BCL2: variants seen among roughly 807,000 people sequenced by gnomAD.
BCL2 encodes apoptosis regulator Bcl-2.
In BCL2, 1 loss-of-function variant was observed where a neutral mutation model predicts 14.2. The ratio of observed to expected loss-of-function variants is 0.07; its 90% CI spans 0.02 to 0.33. The LOEUF is 0.33. Ranked by LOEUF, BCL2 falls within the 10% of genes least tolerant of loss-of-function variation. The pLI is 0.99. For missense variants in BCL2, 247 were observed against 305.9 expected, an observed-to-expected ratio of 0.81 and a Z score of 1.44; for synonymous variants, 151 against 137.2, an observed-to-expected ratio of 1.10 and a Z score of -0.70.
chr18:63,222,047 G>A (rs749935886), intron 2 of BCL2, among the ~76,000 whole-genome samples: 2 of 152,114 alleles, frequency 1.3e-5, no homozygotes, highest in Non-Finnish European at 2.9e-5. Flanking sequence ...TTTGGAGGCT[G>A]AGGCAGGCAG....
chr18:63,131,247 A>G (rs1420915764), intron 2 of BCL2, among the ~76,000 whole-genome samples: 1 of 152,226 alleles, frequency 6.6e-6, no homozygotes, highest in Non-Finnish European at 1.5e-5. Context: ...AGCGACTGCT[A>G]ACCCAGTGGG....
intron 2 of BCL2, among the ~76,000 whole-genome samples, chr18:63,233,433 C>T (rs763407039): frequency 2.0e-4 from 31 of 152,276 alleles, no homozygotes; most frequent in Non-Finnish European, 3.4e-4. Flanking sequence ...GGTCCCCAAC[C>T]TTTCTGGCAC....
At chr18:63,286,533 G>C (rs1912479942) in intron 2 of BCL2, among the ~76,000 whole-genome samples, 1 of 152,136 alleles carries the variant, frequency 6.6e-6, no homozygotes. Context: ...AAGTAAGGAG[G>C]ACAGAGAACT....
At chr18:63,165,799 A>AG (rs931018502) in intron 2 of BCL2, among the ~76,000 whole-genome samples, 24 of 152,120 alleles carry the variant, frequency 1.6e-4, no homozygotes, top group Non-Finnish European at 2.2e-4. Flanking sequence ...CTTGCAGGGG[A>AG]GGGGGGTGGA....
chr18:63,198,824 CAGACAT>C (rs1387103485), intron 2 of BCL2, among the ~76,000 whole-genome samples: 29 of 76,828 alleles, frequency 3.8e-4, no homozygotes, highest in African/African-American at 4.8e-4. Flanking sequence ...CACAGACACA[CAGACAT>C]ACACAGACAC....
intron 2 of BCL2, among the ~76,000 whole-genome samples, chr18:63,286,432 T>C (rs770993522): frequency 6.6e-6 from 1 of 152,138 alleles, no homozygotes; most frequent in Non-Finnish European, 1.5e-5. Flanking sequence ...TTAATTTTCA[T>C]TGAAGGGGAG....
chr18:63,166,056 A>G (rs1053625065), intron 2 of BCL2, among the ~76,000 whole-genome samples: 2 of 152,248 alleles, frequency 1.3e-5, no homozygotes, highest in Non-Finnish European at 2.9e-5. Context: ...TTGCAGACCC[A>G]CAGGACACAA....
intron 2 of BCL2, chr18:63,302,803 C>A (rs4941195): frequency 0.46 from 450,095 of 984,716 alleles, 104,885 homozygotes; most frequent in East Asian, 0.72. Flanking sequence ...AGTTTCCTGG[C>A]CCATGCTGAA....
At chr18:63,289,257 G>A (rs1912567824) in intron 2 of BCL2, among the ~76,000 whole-genome samples, 1 of 152,028 alleles carries the variant, frequency 6.6e-6, no homozygotes, top group East Asian at 1.9e-4. Context: ...ATGTGACAAG[G>A]CCTGGAAAAA....
chr18:63,148,894 C>G (rs376551244), intron 2 of BCL2, among the ~76,000 whole-genome samples: 19 of 152,112 alleles, frequency 1.2e-4, no homozygotes, highest in African/African-American at 4.3e-4. Context: ...GAATACGTAA[C>G]TTTTCCAAGG....
chr18:63,255,899 G>T (rs182234597), intron 2 of BCL2, among the ~76,000 whole-genome samples: 1 of 150,826 alleles, frequency 6.6e-6, no homozygotes, highest in African/African-American at 2.4e-5. Context: ...CTTCTTATCT[G>T]AAGGGATTTC....
chr18:63,188,770 AGAAAATGCTAT>A lies in BCL2; in HGVS notation c.586-60022_586-60012del, dbSNP rs1443553025. Among the ~76,000 whole-genome samples the A allele has an allele frequency of 3.9e-5, 6 of 152,196 alleles. No homozygotes were observed. In the East Asian group the frequency reaches 1.2e-3, roughly 29 times the overall value. ...TGAACAGTATATTATATATCCTTCC[AGAAAATGCTAT>A]GAATATACATGCATTTGTATATGTA... On this transcript the variant is annotated intron_variant, in intron 2 of 2. Transcript: ENST00000333681.
At chr18:63,184,722 C>G (rs1384493201) in intron 2 of BCL2, among the ~76,000 whole-genome samples, 2 of 152,172 alleles carry the variant, frequency 1.3e-5, no homozygotes, top group Non-Finnish European at 2.9e-5. Flanking sequence ...ACTGTTGAAG[C>G]CCCCCGACCA....
chr18:63,265,739 T>C (rs1911806599), intron 2 of BCL2, among the ~76,000 whole-genome samples: 1 of 152,204 alleles, frequency 6.6e-6, no homozygotes, highest in African/African-American at 2.4e-5. Flanking sequence ...AGGATATATT[T>C]CTTTAATATA....
intron 2 of BCL2, among the ~76,000 whole-genome samples, chr18:63,290,538 G>A (rs575738069): frequency 9.2e-5 from 14 of 152,214 alleles, no homozygotes; most frequent in South Asian, 4.2e-4. Flanking sequence ...TTTTTATCTC[G>A]AGCTAAAGAA....
At chr18:63,191,979 T>C (rs936729539) in intron 2 of BCL2, among the ~76,000 whole-genome samples, 44 of 152,236 alleles carry the variant, frequency 2.9e-4, no homozygotes, top group African/African-American at 9.9e-4. Context: ...AGTGCCTCCT[T>C]CCTTCATTTG....
intron 2 of BCL2, among the ~76,000 whole-genome samples, chr18:63,187,807 T>C (rs941139438): frequency 4.0e-4 from 61 of 152,360 alleles, no homozygotes; most frequent in African/African-American, 1.5e-3. Flanking sequence ...GTTCGACTAA[T>C]ACAGATTACG....
intron 2 of BCL2, among the ~76,000 whole-genome samples, chr18:63,204,612 C>T (rs1401401420): frequency 6.6e-6 from 1 of 152,072 alleles, no homozygotes; most frequent in Non-Finnish European, 1.5e-5. Context: ...AATAGTTCAC[C>T]CATAGAATTA....
intron 2 of BCL2, among the ~76,000 whole-genome samples, chr18:63,201,459 G>A (rs1909691192): frequency 6.6e-6 from 1 of 152,174 alleles, no homozygotes; most frequent in Non-Finnish European, 1.5e-5. Context: ...TACGGAATCA[G>A]TGACTCTTAA....
Sources: gnomAD v4.1 joint callset for allele counts (sites outside exome capture counted in the v4.1 genomes callset) on GRCh38, gnomAD v4.1.1 for gene constraint, MANE v1.5 for transcripts, NCBI Gene and HGNC (gene_info 2026-07-23, HGNC 2026-07-21) for gene names.